Variants in SASH1 observed in about 807,000 individuals in gnomAD.
The protein encoded by SASH1 is SAM and SH3 domain-containing protein 1.
A neutral mutation model predicts 125.2 loss-of-function variants in SASH1; 44 were observed. The ratio of observed to expected loss-of-function variants is 0.35; its 90% CI spans 0.28 to 0.45. The LOEUF (loss-of-function observed/expected upper bound fraction) is 0.45. SASH1 is among the 20% of genes least tolerant of loss of function. The pLI is 1.00. For missense variants in SASH1, 1,426 were observed against 1,614.5 expected, an observed-to-expected ratio of 0.88 and a Z score of 2.00; for synonymous variants, 639 against 649.1, an observed-to-expected ratio of 0.98 and a Z score of 0.24.
At chr6:148,288,205 G>A (rs776884963) in intron 1 of SASH1, among the ~76,000 whole-genome samples, 16 of 152,194 alleles carry the variant, frequency 1.1e-4, no homozygotes, top group Non-Finnish European at 2.1e-4. Flanking sequence ...TCTCTGAAGA[G>A]GGAGTGTATG....
intron 1 of SASH1, among the ~76,000 whole-genome samples, chr6:148,285,210 G>A (rs1048092033): frequency 6.6e-6 from 1 of 152,206 alleles, no homozygotes; most frequent in Non-Finnish European, 1.5e-5. Context: ...GGGAGGGAGG[G>A]AAATGTTGAG....
chr6:148,417,301 C>T (rs991835579), intron 2 of SASH1, among the ~76,000 whole-genome samples: 1 of 152,048 alleles, frequency 6.6e-6, no homozygotes, highest in African/African-American at 2.4e-5. Flanking sequence ...GAGTGTGTAT[C>T]CCTGGTCGGG....
intron 1 of SASH1, among the ~76,000 whole-genome samples, chr6:148,302,702 C>T (rs1562314448): frequency 6.9e-6 from 1 of 145,502 alleles, no homozygotes; most frequent in Non-Finnish European, 1.5e-5. Flanking sequence ...TATATACACA[C>T]TGTGTATATA....
chr6:148,475,399 T>A, intron 7 of SASH1, among the ~76,000 whole-genome samples: 1 of 152,024 alleles, frequency 6.6e-6, no homozygotes, highest in South Asian at 2.1e-4. Context: ...CTGGTGAGAC[T>A]GTGCTCTTCT....
chr6:148,444,175 C>G (rs1464146486), intron 4 of SASH1, among the ~76,000 whole-genome samples: 2 of 152,212 alleles, frequency 1.3e-5, no homozygotes, highest in Admixed American at 6.5e-5. Flanking sequence ...CTCAGGGACC[C>G]CCTGTGTGCA....
rs1265115395 is a variant in SASH1 at position 148,527,511 on chromosome 6, T to A, written c.1343T>A (p.Ile448Asn). The stretch of plus-strand genomic sequence containing the variant: ...ATCAAATCACCTACTGCCTCTCGCA[T>A]CTCTCTTGGGAAAAAGGTGAAATCA... The part of the protein sequence containing the change: ...EVIKSPTASR[I>N]SLGKKVKSVK... The change falls in exon 12 of 20, where the codon ATC becomes AAC. Residue 448 changes from isoleucine to asparagine, a missense_variant. Coordinates refer to ENST00000367467, the MANE Select transcript of SASH1 (RefSeq NM_015278.5). The A allele has an allele frequency of 2.5e-6, 4 of 1,610,176 alleles. No individual in the cohort carries two copies. The highest frequency in any genetic ancestry group is 1.1e-5 in the South Asian group (1 of 89,960).
At chr6:148,530,214 T>C (rs1171736953) in intron 12 of SASH1, among the ~76,000 whole-genome samples, 1 of 152,220 alleles carries the variant, frequency 6.6e-6, no homozygotes, top group East Asian at 1.9e-4. Context: ...GTGCCTGTTA[T>C]TGTAGGTAAT....
chr6:148,361,843 GAGAGAC>G (rs989158953), intron 1 of SASH1, among the ~76,000 whole-genome samples: 9 of 152,164 alleles, frequency 5.9e-5, no homozygotes, highest in Non-Finnish European at 1.0e-4. Flanking sequence ...TGAGCAACAG[GAGAGAC>G]AGAGACAGAG....
chr6:148,263,150 C>T, the SASH1 span, among the ~76,000 whole-genome samples: 2 of 152,224 alleles, frequency 1.3e-5, no homozygotes, highest in East Asian at 3.9e-4. Flanking sequence ...GGGTACCTGG[C>T]ACAGGACAGG....
At chr6:148,411,421 A>AATTG (rs1784627176) in intron 2 of SASH1, among the ~76,000 whole-genome samples, 1 of 152,302 alleles carries the variant, frequency 6.6e-6, no homozygotes, top group African/African-American at 2.4e-5. Flanking sequence ...ATATCCAGTC[A>AATTG]ACATATATTG....
chr6:148,268,087 C>T (rs187451762), upstream of SASH1, among the ~76,000 whole-genome samples: 18 of 152,216 alleles, frequency 1.2e-4, no homozygotes, highest in South Asian at 2.7e-3. Context: ...CTCTCAGTTC[C>T]GTTTAGTTCC....
chr6:148,537,824 GT>G, intron 16 of SASH1, among the ~76,000 whole-genome samples: 1 of 135,668 alleles, frequency 7.4e-6, no homozygotes, highest in South Asian at 2.3e-4. Context: ...GTGTGTGTGT[GT>G]GTGTGTGGTT....
the SASH1 span, among the ~76,000 whole-genome samples, chr6:148,247,818 G>C: frequency 6.6e-6 from 1 of 152,220 alleles, no homozygotes; most frequent in Non-Finnish European, 1.5e-5. Flanking sequence ...TCATGCTACT[G>C]TAGTTGATAA....
chr6:148,303,646 A>G (rs1780035006), intron 1 of SASH1, among the ~76,000 whole-genome samples: 1 of 151,634 alleles, frequency 6.6e-6, no homozygotes, highest in Admixed American at 6.6e-5. Context: ...AAAATACAGA[A>G]CTTAGCTGGG....
intron 2 of SASH1, among the ~76,000 whole-genome samples, chr6:148,396,844 A>G (rs1383663949): frequency 6.6e-6 from 1 of 152,180 alleles, no homozygotes; most frequent in African/African-American, 2.4e-5. Context: ...CAATTTATAA[A>G]ATGGGAGTAA....
At chr6:148,545,569 ACT>A (rs1157361078) in intron 18 of SASH1, among the ~76,000 whole-genome samples, 1 of 152,154 alleles carries the variant, frequency 6.6e-6, no homozygotes, top group African/African-American at 2.4e-5. Context: ...AGTTTAGAAG[ACT>A]CTCTTCAGTA....
chr6:148,497,908 G>T (rs1275264894), intron 8 of SASH1, among the ~76,000 whole-genome samples: 1 of 152,200 alleles, frequency 6.6e-6, no homozygotes, highest in Non-Finnish European at 1.5e-5. Flanking sequence ...CTACAGTGCT[G>T]ATGACGTCGT....
chr6:148,456,297 C>G (rs984087966), intron 4 of SASH1, among the ~76,000 whole-genome samples: 1 of 152,154 alleles, frequency 6.6e-6, no homozygotes, highest in Non-Finnish European at 1.5e-5. Context: ...CCCTCCCTGC[C>G]CGTCTCTATA....
intron 2 of SASH1, among the ~76,000 whole-genome samples, chr6:148,412,563 C>G (rs1449187349): frequency 6.6e-6 from 1 of 152,184 alleles, no homozygotes; most frequent in Admixed American, 6.6e-5. Flanking sequence ...AAAGGAATAC[C>G]TGAGGCTGGA....
Sources: allele counts gnomAD v4.1 joint callset (sites outside exome capture counted in the v4.1 genomes callset), GRCh38; gene constraint gnomAD v4.1.1; transcripts MANE v1.5; gene names NCBI Gene and HGNC (gene_info 2026-07-23, HGNC 2026-07-21).